The following NRG3 variants were observed in gnomAD, a reference collection of about 807,000 sequenced individuals.
NRG3 encodes the protein pro-neuregulin-3, membrane-bound isoform.
In NRG3, 31 loss-of-function variants were observed where a neutral mutation model predicts 66.9. The observed-to-expected ratio is 0.46, with a 90% CI of 0.35 to 0.63. NRG3 has a LOEUF of 0.63. NRG3 is among the 20% of genes least tolerant of loss of function. NRG3 has a pLI of 0.00. For missense variants in NRG3, 910 were observed against 878.9 expected (o/e 1.04, Z -0.45); for synonymous variants, 393 against 359.4 (o/e 1.09, Z -1.06).
chr10:81,922,494 T>C (rs989742888), intron 1 of NRG3, among the ~76,000 whole-genome samples: 6 of 152,232 alleles, frequency 3.9e-5, no homozygotes, highest in Non-Finnish European at 8.8e-5. Flanking sequence ...CTACTTATAG[T>C]GTGAACATGC....
At chr10:82,911,006 T>C (rs1845268499) in intron 4 of NRG3, among the ~76,000 whole-genome samples, 1 of 152,116 alleles carries the variant, frequency 6.6e-6, no homozygotes, top group Non-Finnish European at 1.5e-5. Context: ...TATTGATTAA[T>C]GGCAGCAGAA....
chr10:82,846,822 T>C (rs78395478), intron 3 of NRG3, among the ~76,000 whole-genome samples: 2,309 of 152,318 alleles, frequency 0.015, 51 homozygotes, highest in African/African-American at 0.048. Context: ...TTTGGAGTTG[T>C]GGTGCAAACA....
In NRG3 at chr10:82,260,927, G is replaced by A. The variant is rs2077991774; in HGVS notation, c.824-97812G>A. Among the ~76,000 whole-genome samples the A allele has an allele frequency of 2.6e-5, 4 of 152,280 alleles. 1 individual carries two copies. In the South Asian group the frequency reaches 8.3e-4, roughly 32 times the overall value. On this transcript the variant is annotated intron_variant, in intron 1 of 8. Coordinates refer to ENST00000372141, the MANE Select transcript of NRG3 (RefSeq NM_001010848.4). ...TTTCCTCAAAATCTCATGTTGAAAT[G>A]TAATCACCAATGCTGTGAGTGGGGC...
intron 3 of NRG3, among the ~76,000 whole-genome samples, chr10:82,762,135 C>G (rs1591443708): frequency 6.6e-6 from 1 of 151,484 alleles, no homozygotes; most frequent in Non-Finnish European, 1.5e-5. Context: ...CTCACTGCAG[C>G]CTCCGCCTCG....
intron 2 of NRG3, among the ~76,000 whole-genome samples, chr10:82,615,239 A>T (rs903444495): frequency 3.9e-5 from 6 of 152,156 alleles, no homozygotes; most frequent in South Asian, 2.1e-4. Flanking sequence ...TTAGAAATGT[A>T]TTCTGGAGAA....
At chr10:82,443,220 T>C (rs532215808) in intron 2 of NRG3, among the ~76,000 whole-genome samples, 2 of 151,592 alleles carry the variant, frequency 1.3e-5, no homozygotes, top group South Asian at 2.1e-4. Flanking sequence ...ACTTGGTTTT[T>C]TTCTCCATTG....
intron 1 of NRG3, among the ~76,000 whole-genome samples, chr10:82,212,008 A>T (rs1222918394): frequency 1.3e-5 from 2 of 152,174 alleles, no homozygotes. Context: ...GGGGTGGTGG[A>T]AACAGGAGGC....
rs187557903 is a variant in NRG3, at chr10:82,073,195, T to G, written c.823+197032T>G. Among the ~76,000 whole-genome samples, 349 of 152,282 alleles carry G rather than the reference T, an allele frequency of 2.3e-3. 1 individual carries two copies. The highest frequency in any genetic ancestry group is 8.0e-3 in the African/African-American group (331 of 41,554). On this transcript the variant is annotated intron_variant, in intron 1 of 8. Transcript: ENST00000372141. ...AAAAATGATAGAACAATGTGTAATG[T>G]GTACAAGTGACAACAAAATAAAGGA...
chr10:82,581,888 A>G (rs1417779788), intron 2 of NRG3, among the ~76,000 whole-genome samples: 1 of 151,746 alleles, frequency 6.6e-6, no homozygotes, highest in Admixed American at 6.6e-5. Context: ...TTTTGACCCA[A>G]TTTTTGTGAA....
chr10:82,816,498 G>A (rs1397436332), intron 3 of NRG3, among the ~76,000 whole-genome samples: 1 of 151,934 alleles, frequency 6.6e-6, no homozygotes, highest in African/African-American at 2.4e-5. Context: ...GTTTTCCTGG[G>A]CTTCAGAAGG....
At chr10:82,851,095 G>T (rs561904041) in intron 3 of NRG3, among the ~76,000 whole-genome samples, 3 of 152,150 alleles carry the variant, frequency 2.0e-5, no homozygotes, top group Non-Finnish European at 4.4e-5. Flanking sequence ...AAAGTAAATA[G>T]AGTGACTGCC....
At chr10:81,964,726 C>T (rs1035963594) in intron 1 of NRG3, among the ~76,000 whole-genome samples, 4 of 152,130 alleles carry the variant, frequency 2.6e-5, no homozygotes, top group East Asian at 3.9e-4. Flanking sequence ...CCCTACCACA[C>T]GGCCTCATCA....
At chr10:81,982,821 G>A (rs1311113634) in intron 1 of NRG3, among the ~76,000 whole-genome samples, 4 of 152,178 alleles carry the variant, frequency 2.6e-5, no homozygotes, top group Admixed American at 6.5e-5. Flanking sequence ...CACATTCTGA[G>A]ATTCTGGGAG....
intron 2 of NRG3, among the ~76,000 whole-genome samples, chr10:82,666,162 C>T (rs1459946591): frequency 1.3e-5 from 2 of 152,168 alleles, no homozygotes; most frequent in Non-Finnish European, 2.9e-5. Flanking sequence ...GCAAGCTGAG[C>T]CTTTTCTTCT....
At chr10:82,038,173 G>A (rs903049036) in intron 1 of NRG3, among the ~76,000 whole-genome samples, 1 of 152,100 alleles carries the variant, frequency 6.6e-6, no homozygotes. Context: ...CCAACATTAA[G>A]AGTTCTGAGC....
chr10:82,587,017 C>A (rs1289280487), intron 2 of NRG3, among the ~76,000 whole-genome samples: 3 of 152,078 alleles, frequency 2.0e-5, no homozygotes, highest in Non-Finnish European at 4.4e-5. Context: ...AAATGTGACC[C>A]AGGAACCCCT....
intron 4 of NRG3, among the ~76,000 whole-genome samples, chr10:82,880,295 T>C (rs1196231178): frequency 6.6e-6 from 1 of 152,066 alleles, no homozygotes; most frequent in African/African-American, 2.4e-5. Context: ...TTTGGGGAGC[T>C]ACCTAGTATG....
At chr10:82,579,913 A>G (rs2046255216) in intron 2 of NRG3, among the ~76,000 whole-genome samples, 1 of 151,974 alleles carries the variant, frequency 6.6e-6, no homozygotes, top group East Asian at 1.9e-4. Flanking sequence ...GAGCTTTGAT[A>G]GAATATCAAT....
intron 1 of NRG3, among the ~76,000 whole-genome samples, chr10:82,253,046 C>T (rs773993405): frequency 2.2e-4 from 34 of 152,294 alleles, no homozygotes; most frequent in Non-Finnish European, 1.6e-4. Flanking sequence ...TCCTCATCTC[C>T]AACCACCTTC....
Sources: allele counts gnomAD v4.1 joint callset (sites outside exome capture counted in the v4.1 genomes callset), GRCh38; gene constraint gnomAD v4.1.1; transcripts MANE v1.5; gene names NCBI Gene and HGNC (gene_info 2026-07-23, HGNC 2026-07-21).